The following JAML variants were observed in gnomAD, a reference collection of about 807,000 sequenced individuals.
The protein encoded by JAML is junction adhesion molecule like.
A neutral mutation model predicts 39.3 loss-of-function variants in JAML; 25 were observed. That is an observed-to-expected ratio of 0.64 (90% CI 0.46 to 0.89). The LOEUF is 0.89. JAML is among the 40% of genes least tolerant of loss of function. The pLI, the probability that JAML is intolerant of heterozygous loss-of-function variation, is 0.00. For synonymous variants in JAML, 162 were observed against 179.2 expected (o/e 0.90, Z 0.77); for missense variants, 440 against 486.9 (o/e 0.90, Z 0.91).
At chr11:118,197,186 C>T (rs1228049841) in intron 8 of JAML, 5 of 234,392 alleles carry the variant, frequency 2.1e-5, no homozygotes, top group South Asian at 5.1e-5. Flanking sequence ...TTGTCATCAT[C>T]TCCCTCAGAG....
chr11:118,203,752 C>T, intron 5 of JAML, 87 bp from the exon 6 acceptor site: 1 of 1,080,754 alleles, frequency 9.3e-7, no homozygotes, highest in Non-Finnish European at 1.4e-6. Context: ...GATCTCAGGA[C>T]TCCAAGGCCC....
intron 1 of JAML, among the ~76,000 whole-genome samples, chr11:118,215,404 C>T (rs1949126048): frequency 6.6e-6 from 1 of 152,198 alleles, no homozygotes; most frequent in Non-Finnish European, 1.5e-5. Flanking sequence ...CAGATTCTCA[C>T]TCTGTTGCCC....
At chr11:118,214,930 G>A in intron 1 of JAML, 44 bp from the exon 2 acceptor site, 1 of 1,566,998 alleles carries the variant, frequency 6.4e-7, no homozygotes, top group Non-Finnish European at 8.8e-7. Context: ...GTCAAGAGAA[G>A]CTCATTAATT....
At chr11:118,217,050 C>T (rs45618531) in intron 1 of JAML, among the ~76,000 whole-genome samples, 2,144 of 152,316 alleles carry the variant, frequency 0.014, 33 homozygotes, top group Non-Finnish European at 0.021. Flanking sequence ...AGCAGTGGGA[C>T]ATTCCCCCTG....
chr11:118,208,240 AAAGAG>A (rs1448074773), intron 4 of JAML, among the ~76,000 whole-genome samples: 12 of 151,330 alleles, frequency 7.9e-5, no homozygotes, highest in African/African-American at 2.7e-4. Context: ...CCTAAAAAAA[AAAGAG>A]AGAGAGAGAG....
At chr11:118,203,406 T>C (rs973825837) in intron 6 of JAML, 22 bp downstream of exon 6, 41 of 1,606,312 alleles carry the variant, frequency 2.6e-5, no homozygotes, top group Non-Finnish European at 3.5e-5. Flanking sequence ...CCCTCAATGC[T>C]CCCCAGCCAA....
chr11:118,208,842 G>C, intron 4 of JAML: 1 of 152,404 alleles, frequency 6.6e-6, no homozygotes, highest in East Asian at 1.9e-4. Context: ...ATAAAAGAGA[G>C]ACATGGAAAT....
At chr11:118,199,700 T>C (rs949938615) in intron 7 of JAML, among the ~76,000 whole-genome samples, 12 of 143,484 alleles carry the variant, frequency 8.4e-5, no homozygotes, top group Non-Finnish European at 1.8e-4. Context: ...ATTATTTTTT[T>C]TTTTTTTTTT....
rs1378346497 is a variant in JAML at position 118,200,492 on chromosome 11, T to G, written c.893A>C (p.Lys298Thr). 15 of 1,614,012 alleles carry G rather than the reference T, an allele frequency of 9.3e-6. No homozygotes were observed. Among genetic ancestry groups the G allele is most frequent in the Non-Finnish European group, 1.3e-5 (15 of 1,180,022 alleles). The stretch of plus-strand genomic sequence containing the variant: ...CCTGTACCTCTTATTTCCACAGGTC[T>G]TCTTCACGATCAATATCAGAACAGG... ...LLPVLILIVK[K>T]TCGNKSSVNS... The change falls in exon 7 of 10, where the codon AAG becomes ACG. Residue 298 changes from lysine (K) to threonine (T), a missense_variant. Lys to Thr is a moderately conservative substitution (Grantham distance 78). Transcript: ENST00000356289.
chr11:118,203,184 C>A, intron 6 of JAML: 1 of 649,682 alleles, frequency 1.5e-6, no homozygotes, highest in Non-Finnish European at 2.9e-6. Flanking sequence ...TTGGTATTCA[C>A]TAAATTAGCT....
chr11:118,210,728 G>A lies in JAML; in HGVS notation c.199-16C>T. On this transcript the variant is annotated splice_polypyrimidine_tract_variant and intron_variant, in intron 3 of 9. Transcript: ENST00000356289. ...CATATTCGTCCTGAAGGGCAAAACA[G>A]TGTTGGAGACAATCAAAAGAGGTGC... The A allele has an allele frequency of 1.9e-6, 3 of 1,605,866 alleles. No homozygotes were observed. Among genetic ancestry groups the A allele is most frequent in the East Asian group, 2.2e-5 (1 of 44,844 alleles).
intron 6 of JAML, chr11:118,200,828 G>T: frequency 2.0e-6 from 1 of 491,674 alleles, no homozygotes; most frequent in South Asian, 3.1e-5. Context: ...AAGGTGGGTG[G>T]GAGAAGAGGC....
In JAML at chr11:118,212,392, T is replaced by A. The variant is rs761810945; in HGVS notation, c.198+15A>T. 2 of 1,613,026 alleles carry A rather than the reference T, an allele frequency of 1.2e-6. No homozygotes were observed. The highest frequency in any genetic ancestry group is 1.7e-6 in the Non-Finnish European group (2 of 1,179,522). On this transcript the variant is annotated intron_variant, in intron 3 of 9. Coordinates refer to ENST00000356289, the MANE Select transcript of JAML (RefSeq NM_001098526.2). ...CAGGGGCTTCTATTACATAGTGATG[T>A]TTCCCCCGCGTTACCTTGGCGTGCT... is the stretch of plus-strand genomic sequence containing the variant.
In JAML at chr11:118,205,989, G is replaced by C; in HGVS notation, c.427C>G (p.Leu143Val). Residue 143 changes from leucine (L) to valine (V), a missense_variant and splice_region_variant, in exon 5 of 10, where the codon CTC becomes GTC. Leu to Val is a conservative substitution (Grantham distance 32). Transcript: ENST00000356289. Reference protein sequence around the residue: ...LHVLPEEPKELMVHVGGLIQM... With the variant: ...LHVLPEEPKEVMVHVGGLIQM... ...ATCAATCCACCCACATGGACCATGA[G>C]CTCTGAGGATAAAACAGTAAATCAA... 1 of 1,611,512 alleles carries C rather than the reference G, an allele frequency of 6.2e-7. No homozygotes were observed. Among genetic ancestry groups the C allele is most frequent in the Non-Finnish European group, 8.5e-7 (1 of 1,177,648 alleles).
intron 2 of JAML, among the ~76,000 whole-genome samples, chr11:118,213,919 A>G (rs1321203955): frequency 6.6e-6 from 1 of 152,154 alleles, no homozygotes; most frequent in East Asian, 1.9e-4. Flanking sequence ...CTTCTTTGAG[A>G]AAAATTATCT....
intron 3 of JAML, among the ~76,000 whole-genome samples, chr11:118,211,058 A>C (rs1163737413): frequency 6.6e-5 from 10 of 152,184 alleles, no homozygotes; most frequent in Admixed American, 6.5e-4. Flanking sequence ...ACAGCCCCGG[A>C]TTAGATGGCA....
chr11:118,214,512 T>A (rs1341729404), intron 2 of JAML, among the ~76,000 whole-genome samples: 1 of 152,194 alleles, frequency 6.6e-6, no homozygotes, highest in Non-Finnish European at 1.5e-5. Flanking sequence ...ACTGTGGTTT[T>A]AAAGATAACA....
chr11:118,223,062 GC>G (rs1451869012), intron 1 of JAML, among the ~76,000 whole-genome samples: 1 of 135,238 alleles, frequency 7.4e-6, no homozygotes, highest in Non-Finnish European at 1.5e-5. Context: ...GCCACTGCAT[GC>G]CAGCCTAGGT....
intron 3 of JAML, among the ~76,000 whole-genome samples, chr11:118,211,982 T>TTTC (rs563508046): frequency 5.5e-4 from 83 of 150,730 alleles, no homozygotes; most frequent in Admixed American, 1.7e-3. Flanking sequence ...TATGCCTAGG[T>TTTC]CAGAGCTCTC....
Sources: gnomAD v4.1 joint callset for allele counts (sites outside exome capture counted in the v4.1 genomes callset) on GRCh38, gnomAD v4.1.1 for gene constraint, MANE v1.5 for transcripts, NCBI Gene and HGNC (gene_info 2026-07-23, HGNC 2026-07-21) for gene names.